Variants in PRKN observed in about 807,000 individuals in gnomAD.
The protein encoded by PRKN is E3 ubiquitin-protein ligase parkin.
A neutral mutation model predicts 59.5 loss-of-function variants in PRKN; 56 were observed. The ratio of observed to expected loss-of-function variants is 0.94; its 90% CI spans 0.76 to 1.18. PRKN has a LOEUF of 1.18. Among genes scored for constraint, PRKN ranks in the 50% most tolerant of loss-of-function variants. The pLI, the probability that PRKN is intolerant of heterozygous loss-of-function variation, is 0.00. For missense variants in PRKN, 657 were observed against 596.4 expected, an observed-to-expected ratio of 1.10 and a Z score of -1.06; for synonymous variants, 250 against 222.1, an observed-to-expected ratio of 1.13 and a Z score of -1.12.
intron 7 of PRKN, among the ~76,000 whole-genome samples, chr6:161,721,068 A>C (rs1240960111): frequency 2.6e-5 from 4 of 152,244 alleles, no homozygotes; most frequent in African/African-American, 9.6e-5. Flanking sequence ...AAGGTGCGAC[A>C]TAACATCCGA....
chr6:161,965,296 A>G (rs569359285), intron 6 of PRKN, among the ~76,000 whole-genome samples: 7 of 152,242 alleles, frequency 4.6e-5, no homozygotes, highest in South Asian at 2.1e-4. Context: ...CATCAAAAAC[A>G]TAAGTCTTTA....
chr6:161,689,992 A>T (rs1035600553), intron 7 of PRKN, among the ~76,000 whole-genome samples: 5 of 152,172 alleles, frequency 3.3e-5, no homozygotes, highest in Non-Finnish European at 7.3e-5. Context: ...GATTACAGAC[A>T]TGACACACCG....
chr6:161,938,495 T>C (rs998421005), intron 6 of PRKN, among the ~76,000 whole-genome samples: 1 of 152,214 alleles, frequency 6.6e-6, no homozygotes, highest in Non-Finnish European at 1.5e-5. Context: ...GAGGCCTATA[T>C]AGTAAATTAA....
At chr6:162,199,818 C>T (rs948946904) in intron 4 of PRKN, among the ~76,000 whole-genome samples, 1 of 152,134 alleles carries the variant, frequency 6.6e-6, no homozygotes, top group African/African-American at 2.4e-5. Flanking sequence ...GAAGATGGAT[C>T]CATGATTTCT....
chr6:162,102,670 G>T (rs1780020688), intron 4 of PRKN, among the ~76,000 whole-genome samples: 1 of 146,784 alleles, frequency 6.8e-6, no homozygotes, highest in Non-Finnish European at 1.5e-5. Context: ...AGTGGTTGTG[G>T]GTCCACCAAA....
chr6:162,437,599 G>T (rs1012276018), intron 2 of PRKN, among the ~76,000 whole-genome samples: 9 of 152,098 alleles, frequency 5.9e-5, no homozygotes, highest in African/African-American at 2.2e-4. Flanking sequence ...ACCCCCTTCA[G>T]AACTGCTGGG....
intron 2 of PRKN, among the ~76,000 whole-genome samples, chr6:162,337,330 T>A (rs972099420): frequency 6.6e-6 from 1 of 152,208 alleles, no homozygotes; most frequent in Non-Finnish European, 1.5e-5. Context: ...TTTGAAATTG[T>A]TTTAATATTT....
At chr6:161,455,783 A>G (rs1789941773) in intron 9 of PRKN, among the ~76,000 whole-genome samples, 1 of 151,592 alleles carries the variant, frequency 6.6e-6, no homozygotes, top group Admixed American at 6.6e-5. Flanking sequence ...GAATCTCTCG[A>G]ACCCGGGAGG....
At chr6:162,663,023 G>T (rs948001149) in intron 1 of PRKN, among the ~76,000 whole-genome samples, 1 of 152,054 alleles carries the variant, frequency 6.6e-6, no homozygotes, top group African/African-American at 2.4e-5. Context: ...TGCACTGGGA[G>T]AACAAGGGAG....
At chr6:161,693,116 C>T (rs1037778332) in intron 7 of PRKN, among the ~76,000 whole-genome samples, 18 of 151,634 alleles carry the variant, frequency 1.2e-4, no homozygotes, top group African/African-American at 4.4e-4. Context: ...TAAAAAAACA[C>T]ATAAACATAA....
intron 7 of PRKN, among the ~76,000 whole-genome samples, chr6:161,779,124 G>C (rs1357257298): frequency 6.6e-6 from 1 of 151,890 alleles, no homozygotes; most frequent in Non-Finnish European, 1.5e-5. Flanking sequence ...ATTTTCACTG[G>C]ACACGGGGTT....
intron 4 of PRKN, among the ~76,000 whole-genome samples, chr6:162,097,171 T>A (rs1184075305): frequency 2.0e-5 from 3 of 152,162 alleles, no homozygotes; most frequent in Non-Finnish European, 4.4e-5. Flanking sequence ...CCACTGTACC[T>A]GGCCAAAAAT....
chr6:161,487,262 C>T lies in PRKN; in HGVS notation c.1083+61592G>A, dbSNP rs1390722152. 6.6e-6 allele frequency among the ~76,000 whole-genome samples: 1 copy of T among 152,170 alleles called. No homozygotes were observed. Among genetic ancestry groups the T allele is most frequent in the African/African-American group, 2.4e-5 (1 of 41,444 alleles). On this transcript the variant is annotated intron_variant, in intron 9 of 11. Coordinates refer to ENST00000366898, the MANE Select transcript of PRKN (RefSeq NM_004562.3). This position sits in a 1 kb window ranked among gnomAD's most constrained non-coding sequence, Gnocchi z 5.3. ...TTGAGGCATAGACCCATGAAGTGGG[C>T]TTGCTCAGTAACAACTGCTCAGTGA... is the stretch of plus-strand genomic sequence containing the variant.
rs1388420780 is a variant in PRKN at position 161,451,165 on chromosome 6, G to A, written c.1084-64288C>T. On this transcript the variant is annotated intron_variant, in intron 9 of 11. Transcript: ENST00000366898. This position sits in a 1 kb window ranked among gnomAD's most constrained non-coding sequence, Gnocchi z 5.9. ...GTTATTTCTCTTAGGTCCCAGCACC[G>A]CAGAAAATCATCTTGAACACCTCCC... Among the ~76,000 whole-genome samples, 3 of 152,064 alleles carry A rather than the reference G, an allele frequency of 2.0e-5. No homozygotes were observed. Among genetic ancestry groups the A allele is most frequent in the Admixed American group, 6.5e-5 (1 of 15,268 alleles).
At chr6:162,531,716 A>G (rs1430022972) in intron 1 of PRKN, among the ~76,000 whole-genome samples, 4 of 152,108 alleles carry the variant, frequency 2.6e-5, no homozygotes, top group African/African-American at 9.7e-5. Flanking sequence ...TGACTCCTAA[A>G]CCGTAATTTC....
chr6:161,629,992 C>T (rs903650790), intron 7 of PRKN, among the ~76,000 whole-genome samples: 4 of 152,182 alleles, frequency 2.6e-5, no homozygotes, highest in Non-Finnish European at 2.9e-5. Context: ...AAGGAGTTCA[C>T]AAGCTTTGGT....
At chr6:161,841,668 T>A (rs1177528101) in intron 6 of PRKN, among the ~76,000 whole-genome samples, 1 of 152,128 alleles carries the variant, frequency 6.6e-6, no homozygotes, top group Non-Finnish European at 1.5e-5. Flanking sequence ...GACTTTCTTA[T>A]CCATCTTTGC....
At chr6:162,232,730 AG>A (rs1778474981) in intron 3 of PRKN, among the ~76,000 whole-genome samples, 1 of 152,162 alleles carries the variant, frequency 6.6e-6, no homozygotes, top group African/African-American at 2.4e-5. Flanking sequence ...GTCAGTGATC[AG>A]GGGCTGCCTT....
chr6:162,697,726 T>C (rs1023718234), intron 1 of PRKN, among the ~76,000 whole-genome samples: 1 of 152,230 alleles, frequency 6.6e-6, no homozygotes, highest in Non-Finnish European at 1.5e-5. Flanking sequence ...AATACATTTA[T>C]GGAAACAATT....
Sources: gnomAD v4.1 joint callset for allele counts (sites outside exome capture counted in the v4.1 genomes callset) on GRCh38, gnomAD v4.1.1 for gene constraint, Gnocchi (gnomAD v3.1) non-coding constraint, MANE v1.5 for transcripts, NCBI Gene and HGNC (gene_info 2026-07-23, HGNC 2026-07-21) for gene names.